Variants in ITGA8 observed in about 807,000 individuals in gnomAD.
The protein encoded by ITGA8 is integrin alpha-8.
ITGA8 carries 91 observed loss-of-function variants against 142.3 expected under a neutral mutation model. The ratio of observed to expected loss-of-function variants is 0.64; its 90% CI spans 0.54 to 0.76. The LOEUF (loss-of-function observed/expected upper bound fraction) is 0.76. Ranked by LOEUF, ITGA8 falls within the 30% of genes least tolerant of loss-of-function variation. The pLI is 0.00. For missense variants in ITGA8, 1,406 were observed against 1,327.7 expected (o/e 1.06, Z -0.92); for synonymous variants, 505 against 485.2 (o/e 1.04, Z -0.54).
Position 15,666,327 on chromosome 10 carries a change from A to G in ITGA8, c.847+5276T>C, listed in dbSNP as rs904710205. ...TGATTTGGCTCTCTGTTTGTCTGTT[A>G]TTGGTGTATAAGAATGCTTGTGATT... is the stretch of plus-strand genomic sequence containing the variant. On this transcript the variant is annotated intron_variant, in intron 8 of 29. Coordinates refer to ENST00000378076, the MANE Select transcript of ITGA8 (RefSeq NM_003638.3). Among the ~76,000 whole-genome samples, 14 of 152,146 alleles carry G rather than the reference A, an allele frequency of 9.2e-5. No individual in the cohort carries two copies. The East Asian group carries it at 2.1e-3, about 23-fold the overall frequency.
At chr10:15,635,536 C>A (rs186404715) in intron 13 of ITGA8, among the ~76,000 whole-genome samples, 9 of 152,176 alleles carry the variant, frequency 5.9e-5, no homozygotes, top group African/African-American at 2.2e-4. Flanking sequence ...AGAACTCAGG[C>A]CTTTTCACTT....
chr10:15,555,000 T>C (rs570484392), intron 26 of ITGA8, among the ~76,000 whole-genome samples: 44 of 152,306 alleles, frequency 2.9e-4, no homozygotes, highest in African/African-American at 1.0e-3. Context: ...AAATCAGGGA[T>C]TCAATTTCTT....
At chr10:15,555,003 A>G (rs1434043901) in intron 26 of ITGA8, among the ~76,000 whole-genome samples, 1 of 152,182 alleles carries the variant, frequency 6.6e-6, no homozygotes, top group African/African-American at 2.4e-5. Context: ...TCAGGGATTC[A>G]ATTTCTTGAG....
At chr10:15,597,322 G>A (rs535598215) in intron 20 of ITGA8, 23 bp from the exon 21 acceptor site, 3 of 1,585,130 alleles carry the variant, frequency 1.9e-6, no homozygotes, top group African/African-American at 2.7e-5. Flanking sequence ...AGAACAGGGG[G>A]TTTAGGGGGC....
chr10:15,611,425 G>C (rs893335121), intron 15 of ITGA8: 1 of 151,644 alleles, frequency 6.6e-6, no homozygotes, highest in Non-Finnish European at 1.5e-5. Flanking sequence ...TAAGAAAATG[G>C]CTCATGAAAA....
chr10:15,671,803 A>G (rs976516283), intron 7 of ITGA8, among the ~76,000 whole-genome samples, 156 bp from the exon 8 acceptor site: 5 of 151,720 alleles, frequency 3.3e-5, no homozygotes, highest in African/African-American at 1.2e-4. Context: ...GGAAAAATTA[A>G]TCACACCAAA....
chr10:15,650,830 A>G (rs1229799971), intron 11 of ITGA8, among the ~76,000 whole-genome samples: 1 of 152,182 alleles, frequency 6.6e-6, no homozygotes, highest in Non-Finnish European at 1.5e-5. Flanking sequence ...TAAATATCAA[A>G]TCAACCTAAT....
intron 27 of ITGA8, among the ~76,000 whole-genome samples, chr10:15,541,999 T>C (rs1436427989): frequency 6.6e-6 from 1 of 152,180 alleles, no homozygotes; most frequent in Non-Finnish European, 1.5e-5. Context: ...CAGGAGGCTG[T>C]TGTGTTTATT....
chr10:15,597,032 A>G, intron 21 of ITGA8, 175 bp downstream of exon 21: 1 of 588,952 alleles, frequency 1.7e-6, no homozygotes, highest in East Asian at 2.8e-5. Context: ...TTAGCTTGAG[A>G]CGATTCACTC....
intron 23 of ITGA8, among the ~76,000 whole-genome samples, chr10:15,582,196 GC>G (rs1371373546): frequency 1.3e-5 from 2 of 152,110 alleles, no homozygotes; most frequent in Non-Finnish European, 2.9e-5. Flanking sequence ...CTTTGATTGT[GC>G]CACTGCACTC....
intron 2 of ITGA8, among the ~76,000 whole-genome samples, chr10:15,712,584 G>A (rs946551653): frequency 6.6e-6 from 1 of 152,062 alleles, no homozygotes; most frequent in African/African-American, 2.4e-5. Flanking sequence ...CTGGGTGACA[G>A]AACCAGACTC....
chr10:15,575,752 A>G (rs528355794), intron 23 of ITGA8, among the ~76,000 whole-genome samples, 158 bp from the exon 24 acceptor site: 47 of 152,328 alleles, frequency 3.1e-4, no homozygotes, highest in African/African-American at 1.1e-3. Context: ...TGTACAGTAG[A>G]ATGACTACAG....
chr10:15,527,976 C>T (rs1223133998), intron 28 of ITGA8, among the ~76,000 whole-genome samples: 4 of 124,150 alleles, frequency 3.2e-5, no homozygotes, highest in African/African-American at 9.5e-5. Context: ...AGTGCAGTGG[C>T]GTGATCTCGG....
At chr10:15,620,895 G>T (rs927758063) in intron 13 of ITGA8, among the ~76,000 whole-genome samples, 7 of 152,182 alleles carry the variant, frequency 4.6e-5, no homozygotes, top group Admixed American at 6.5e-5. Context: ...ATGTGTGCAT[G>T]TGAAATGATA....
intron 8 of ITGA8, among the ~76,000 whole-genome samples, chr10:15,666,696 A>G (rs897786037): frequency 6.6e-5 from 10 of 152,320 alleles, no homozygotes; most frequent in Middle Eastern, 3.4e-3. Context: ...ATGTCCCATC[A>G]ATACCTAATT....
intron 29 of ITGA8, among the ~76,000 whole-genome samples, chr10:15,517,750 G>T (rs540037383): frequency 3.3e-4 from 51 of 152,372 alleles, no homozygotes; most frequent in Non-Finnish European, 6.6e-4. Context: ...AAGGTGAGCA[G>T]GAGGGCAGAG....
Position 15,516,929 on chromosome 10 carries a change from T to C in ITGA8, c.*229A>G. 1 of 414,544 alleles carries C rather than the reference T, an allele frequency of 2.4e-6. No homozygotes were observed. Among genetic ancestry groups the C allele is most frequent in the Non-Finnish European group, 4.3e-6 (1 of 229,962 alleles). The allele number at this position is 414,544 out of a possible 1,614,324, so 25.7% of individuals were successfully genotyped here. A position where few individuals can be genotyped will look rare whatever the true frequency, so the allele number is the denominator to read the frequency against. The stretch of plus-strand genomic sequence containing the variant: ...TAAAGCAAAAGAAAATCTTCCACAA[T>C]TGCTGATGGCTTCTCCAGCTTTGGT... On this transcript the variant is annotated 3_prime_UTR_variant, in exon 30 of 30. Transcript: ENST00000378076.
intron 21 of ITGA8, among the ~76,000 whole-genome samples, chr10:15,593,340 A>G (rs1013171023): frequency 1.3e-5 from 2 of 152,220 alleles, no homozygotes; most frequent in African/African-American, 4.8e-5. Context: ...TTACTCTTCC[A>G]AGCACTGTAC....
chr10:15,699,349 G>T (rs1044388460), intron 2 of ITGA8, among the ~76,000 whole-genome samples: 1 of 152,112 alleles, frequency 6.6e-6, no homozygotes, highest in Non-Finnish European at 1.5e-5. Flanking sequence ...GTTTGTACTT[G>T]TGTTTTACCC....
Sources: gnomAD v4.1 joint callset for allele counts (sites outside exome capture counted in the v4.1 genomes callset) on GRCh38, gnomAD v4.1.1 for gene constraint, MANE v1.5 for transcripts, NCBI Gene and HGNC (gene_info 2026-07-23, HGNC 2026-07-21) for gene names.